ADAMTSL1: variants seen among roughly 807,000 people sequenced by gnomAD.
The protein encoded by ADAMTSL1 is ADAMTS-like protein 1.
In ADAMTSL1, 126 loss-of-function variants were observed where a neutral mutation model predicts 201.8. The ratio of observed to expected loss-of-function variants is 0.62; its 90% CI spans 0.54 to 0.72. ADAMTSL1 has a LOEUF of 0.72. Among genes scored for constraint, ADAMTSL1 ranks in the 30% least tolerant of loss-of-function variants. The pLI, the probability that ADAMTSL1 is intolerant of heterozygous loss-of-function variation, is 0.00. For synonymous variants in ADAMTSL1, 1,121 were observed against 903.4 expected, an observed-to-expected ratio of 1.24 and a Z score of -4.32; for missense variants, 2,679 against 2,277.8, an observed-to-expected ratio of 1.18 and a Z score of -3.59.
intron 1 of ADAMTSL1, among the ~76,000 whole-genome samples, chr9:18,063,991 C>T (rs1030836424): frequency 6.6e-6 from 1 of 152,130 alleles, no homozygotes; most frequent in Non-Finnish European, 1.5e-5. Context: ...TCCCTTCTCT[C>T]CCCTCATTCA....
intron 2 of ADAMTSL1, among the ~76,000 whole-genome samples, chr9:18,167,871 G>C (rs571002891): frequency 4.6e-5 from 7 of 151,930 alleles, no homozygotes; most frequent in Non-Finnish European, 1.0e-4. Context: ...ATAGAAATAT[G>C]TCAGGAACAT....
intron 3 of ADAMTSL1, 72 bp downstream of exon 3, chr9:18,533,364 C>T: frequency 1.5e-6 from 2 of 1,338,354 alleles, no homozygotes; most frequent in Non-Finnish European, 2.1e-6. Flanking sequence ...AGTTTTATAT[C>T]CTGAGCAGGA....
At chr9:17,999,908 T>C (rs1819544148) in intron 1 of ADAMTSL1, among the ~76,000 whole-genome samples, 1 of 149,798 alleles carries the variant, frequency 6.7e-6, no homozygotes, top group Non-Finnish European at 1.5e-5. Context: ...TCCAATGTCA[T>C]CCATGTCCCT....
intron 7 of ADAMTSL1, among the ~76,000 whole-genome samples, chr9:18,656,970 A>C (rs1010615423): frequency 6.6e-6 from 1 of 152,094 alleles, no homozygotes; most frequent in African/African-American, 2.4e-5. Context: ...ATTAAGTACC[A>C]GTTTTATTTA....
At position 18,141,380 on chromosome 9, in the gene ADAMTSL1, G is replaced by A. The variant is rs183445993; in HGVS notation, c.88-22482G>A. On this transcript the variant is annotated intron_variant, in intron 1 of 29. Transcript: ENST00000680146. ...TCTAAGAAAACAGCTCTGGACACCA[G>A]CAACATGCTGTGCTGTCCCCAGAAC... 3.9e-5 allele frequency among the ~76,000 whole-genome samples: 6 copies of A among 152,268 alleles called. No homozygotes were observed. The East Asian group carries it at 1.2e-3, about 29-fold the overall frequency.
In ADAMTSL1 at chr9:17,940,640, A is replaced by G. The variant is rs138676398; in HGVS notation, c.87+33718A>G. On this transcript the variant is annotated intron_variant, in intron 1 of 29. Coordinates refer to the ADAMTSL1 transcript ENST00000680146. Reference sequence around the variant, plus strand: ...GGAGCCAAAAGAGGGGGTTTGCATTATAAATAACGACTTGTCTTTTTAATT... The same window carrying G: ...GGAGCCAAAAGAGGGGGTTTGCATTGTAAATAACGACTTGTCTTTTTAATT... Among the ~76,000 whole-genome samples the G allele has an allele frequency of 9.4e-3, 1,425 of 151,344 alleles. 15 individuals are homozygous for G. The highest frequency in any genetic ancestry group is 0.02 in the Middle Eastern group (6 of 294).
chr9:18,756,096 T>TA (rs1389922571), intron 16 of ADAMTSL1, among the ~76,000 whole-genome samples: 1 of 67,656 alleles, frequency 1.5e-5, no homozygotes, highest in East Asian at 5.7e-4. Context: ...TATATATATA[T>TA]ATATATATAT....
rs138323832 is a variant in ADAMTSL1, at chr9:18,498,610, T to G, written c.64-6219T>G. On this transcript the variant is annotated intron_variant, in intron 1 of 28. Coordinates refer to ENST00000380548, the MANE Select transcript of ADAMTSL1 (RefSeq NM_001040272.6). ...GCCTCGGCCTCCCAAAGTGCTGGCA[T>G]GAGCCACCGCGCCCGGCCAATGTTC... Among the ~76,000 whole-genome samples the G allele has an allele frequency of 5.8e-3, 887 of 152,288 alleles. 12 individuals are homozygous for G. Among genetic ancestry groups the G allele is most frequent in the African/African-American group, 0.019 (796 of 41,550 alleles).
At chr9:18,042,903 A>C (rs1821490570) in intron 1 of ADAMTSL1, among the ~76,000 whole-genome samples, 1 of 152,142 alleles carries the variant, frequency 6.6e-6, no homozygotes, top group Non-Finnish European at 1.5e-5. Context: ...TTAACCTTAG[A>C]AATTTGCCAT....
chr9:18,733,240 G>C (rs1818314971), intron 15 of ADAMTSL1, among the ~76,000 whole-genome samples: 1 of 152,146 alleles, frequency 6.6e-6, no homozygotes, highest in Non-Finnish European at 1.5e-5. Flanking sequence ...AAGTTAACAA[G>C]GTCTGCTTTC....
chr9:18,799,217 A>C (rs918348065), intron 20 of ADAMTSL1, among the ~76,000 whole-genome samples: 3 of 152,220 alleles, frequency 2.0e-5, no homozygotes, highest in African/African-American at 7.2e-5. Flanking sequence ...AGATTATAGG[A>C]ATGTCACCAA....
chr9:18,515,448 T>A (rs1324488286), intron 2 of ADAMTSL1, among the ~76,000 whole-genome samples: 1 of 152,076 alleles, frequency 6.6e-6, no homozygotes, highest in Non-Finnish European at 1.5e-5. Context: ...CGTCCTCCTA[T>A]CTCAGCCTCC....
At chr9:18,584,676 T>A (rs1035560262) in intron 4 of ADAMTSL1, among the ~76,000 whole-genome samples, 7 of 152,216 alleles carry the variant, frequency 4.6e-5, no homozygotes, top group Non-Finnish European at 1.0e-4. Flanking sequence ...CCTAGATAGC[T>A]GCTGAAGCAT....
At chr9:18,788,158 T>A (rs1285694798) in intron 19 of ADAMTSL1, among the ~76,000 whole-genome samples, 3 of 152,218 alleles carry the variant, frequency 2.0e-5, no homozygotes, top group Admixed American at 2.0e-4. Context: ...AAACTCTTCA[T>A]GAACCTCAAA....
At chr9:17,956,831 G>C (rs978625146) in intron 1 of ADAMTSL1, among the ~76,000 whole-genome samples, 5 of 152,120 alleles carry the variant, frequency 3.3e-5, no homozygotes, top group Admixed American at 2.6e-4. Flanking sequence ...GAGCTCAGGG[G>C]GTCTGGGATA....
At chr9:18,377,929 C>A (rs1837375394) in intron 2 of ADAMTSL1, among the ~76,000 whole-genome samples, 1 of 152,070 alleles carries the variant, frequency 6.6e-6, no homozygotes, top group Non-Finnish European at 1.5e-5. Context: ...CCCTCCCCCT[C>A]AATTCTGTCT....
At chr9:18,567,392 G>A (rs937208450) in intron 3 of ADAMTSL1, among the ~76,000 whole-genome samples, 1 of 152,162 alleles carries the variant, frequency 6.6e-6, no homozygotes, top group Non-Finnish European at 1.5e-5. Context: ...CTTGAACCCA[G>A]GCAGTAGAAG....
rs542186672 is a variant in ADAMTSL1, at chr9:18,333,869, G to C, written c.207+169888G>C. On this transcript the variant is annotated intron_variant, in intron 2 of 29. Coordinates refer to the ADAMTSL1 transcript ENST00000680146. ...GGCAATATTCTTAATTCACACCCTT[G>C]AGAATCTAACTAGAGCAGTCAGGCC... is the stretch of plus-strand genomic sequence containing the variant. Among the ~76,000 whole-genome samples, 19 of 152,250 alleles carry C rather than the reference G, an allele frequency of 1.2e-4. No individual in the cohort carries two copies. The South Asian group carries it at 3.7e-3, about 30-fold the overall frequency.
chr9:18,468,919 G>A (rs1821104292), intron 2 of ADAMTSL1, among the ~76,000 whole-genome samples: 2 of 152,194 alleles, frequency 1.3e-5, no homozygotes, highest in African/African-American at 4.8e-5. Context: ...TGTCACGTAA[G>A]CAACATGCTA....
Sources: allele counts gnomAD v4.1 joint callset (sites outside exome capture counted in the v4.1 genomes callset), GRCh38; gene constraint gnomAD v4.1.1; transcripts MANE v1.5; gene names NCBI Gene and HGNC (gene_info 2026-07-23, HGNC 2026-07-21).